The following MASP1 variants were observed in gnomAD, a reference collection of about 807,000 sequenced individuals.
The protein encoded by MASP1 is mannan-binding lectin serine protease 1.
MASP1 carries 59 observed loss-of-function variants against 77.1 expected under a neutral mutation model. That is an observed-to-expected ratio of 0.77 (90% CI 0.62 to 0.95). The LOEUF (loss-of-function observed/expected upper bound fraction) is 0.95. Ranked by LOEUF, MASP1 falls within the 40% of genes least tolerant of loss-of-function variation. The pLI is 0.00. For missense variants in MASP1, 885 were observed against 912.9 expected (o/e 0.97, Z 0.39); for synonymous variants, 362 against 354.5 (o/e 1.02, Z -0.24).
At chr3:187,243,739 A>G in intron 8 of MASP1, 118 bp from the exon 9 acceptor site, 1 of 1,282,150 alleles carries the variant, frequency 7.8e-7, no homozygotes, top group East Asian at 2.3e-5. Context: ...CCAGAAAGCA[A>G]TGTTATAATG....
At chr3:187,246,424 T>C (rs1453117916) in intron 8 of MASP1, 2 of 985,328 alleles carry the variant, frequency 2.0e-6, no homozygotes, top group Non-Finnish European at 2.4e-6. Context: ...CTTCTTTGGG[T>C]GGTGTCTCTA....
intron 2 of MASP1, among the ~76,000 whole-genome samples, chr3:187,281,150 A>C (rs3864099): frequency 0.29 from 43,586 of 152,208 alleles, 6,847 homozygotes; most frequent in Admixed American, 0.39. Flanking sequence ...CATTGCAGCC[A>C]CATGCCAAGG....
intron 1 of MASP1, 107 bp downstream of exon 1, chr3:187,291,521 C>T: frequency 3.5e-6 from 5 of 1,449,114 alleles, no homozygotes; most frequent in Non-Finnish European, 4.9e-6. Flanking sequence ...CTCACTACCA[C>T]ATGCAGGACA....
chr3:187,265,474 C>T (rs1240181673), intron 2 of MASP1, among the ~76,000 whole-genome samples: 1 of 152,148 alleles, frequency 6.6e-6, no homozygotes, highest in African/African-American at 2.4e-5. Flanking sequence ...TTCCAGAGAA[C>T]AGGAAGCATG....
At chr3:187,247,890 A>G (rs1714231800) in intron 8 of MASP1, among the ~76,000 whole-genome samples, 1 of 152,204 alleles carries the variant, frequency 6.6e-6, no homozygotes, top group African/African-American at 2.4e-5. Context: ...GACCTGTGAT[A>G]TCCCATGGCA....
In MASP1 at chr3:187,256,830, C is replaced by T. The variant is rs1426237637; in HGVS notation, c.578G>A (p.Arg193Lys). Residue 193 changes from arginine to lysine, a missense_variant, in exon 5 of 11, where the codon AGG becomes AAG. By Grantham distance (26) the Arg-to-Lys change is conservative. Coordinates refer to ENST00000296280, the MANE Select transcript of MASP1 (RefSeq NM_139125.4). ...VECSDNLFTQRTGVITSPDFP... is the reference protein window; with the variant it reads ...VECSDNLFTQKTGVITSPDFP... ...GTCAGGGCTGGTGATCACCCCAGTC[C>T]TTTGAGTGAAGAGGTTGTCACTGCA... is the stretch of plus-strand genomic sequence containing the variant. 10 of 1,613,764 alleles carry T rather than the reference C, an allele frequency of 6.2e-6. No homozygotes were observed. Among genetic ancestry groups the T allele is most frequent in the Non-Finnish European group, 8.5e-6 (10 of 1,180,018 alleles).
chr3:187,246,168 TG>T (rs1714067181), intron 8 of MASP1, among the ~76,000 whole-genome samples: 2 of 152,382 alleles, frequency 1.3e-5, no homozygotes, highest in South Asian at 4.1e-4. Flanking sequence ...TCCTTCTTCT[TG>T]AAAGCCTTTC....
At chr3:187,229,774 C>G (rs1357522078), downstream of MASP1, 2 of 1,614,174 alleles carry the variant, frequency 1.2e-6, no homozygotes, top group South Asian at 2.2e-5. Context: ...AAGGGAGCCT[C>G]CGCAGAAGGG....
At position 187,221,104 on chromosome 3, in the gene MASP1, A is replaced by G. The variant is rs779648802; in HGVS notation, c.1840T>C (p.Cys614Arg). ...TTCAGCGGGGCATAAGCCTTCTGGCAGGTGCTGTGGTCAACAATCGGGATT... is the reference window on the plus strand; with the variant it reads ...TTCAGCGGGGCATAAGCCTTCTGGCGGGTGCTGTGGTCAACAATCGGGATT... The change falls in exon 15 of 16, where the codon TGC becomes CGC. Residue 614 changes from cysteine to arginine, a missense_variant. By Grantham distance (180) the Cys-to-Arg change is radical. Coordinates refer to the MASP1 transcript ENST00000337774. 4.3e-6 allele frequency: 7 copies of G among 1,614,126 alleles called. No individual in the cohort carries two copies. In the East Asian group the frequency reaches 1.6e-4, roughly 36 times the overall value.
chr3:187,241,692 G>A (rs1250447920), intron 9 of MASP1, 137 bp from the exon 10 acceptor site: 3 of 674,528 alleles, frequency 4.4e-6, no homozygotes, highest in Middle Eastern at 3.9e-4. Context: ...GCTCAGATAC[G>A]ATTGTCTCTG....
At chr3:187,279,873 T>G (rs931092566) in intron 2 of MASP1, among the ~76,000 whole-genome samples, 1 of 152,228 alleles carries the variant, frequency 6.6e-6, no homozygotes, top group Non-Finnish European at 1.5e-5. Flanking sequence ...TTGTGTTACT[T>G]TGTCTGGCTT....
chr3:187,279,293 A>G (rs1187031883), intron 2 of MASP1, among the ~76,000 whole-genome samples: 4 of 152,194 alleles, frequency 2.6e-5, no homozygotes, highest in Non-Finnish European at 5.9e-5. Context: ...TGGGGGAGCT[A>G]TAGAGAATGG....
chr3:187,243,654 C>T (rs1480706341), intron 8 of MASP1, 33 bp from the exon 9 acceptor site: 2 of 1,613,590 alleles, frequency 1.2e-6, no homozygotes, highest in Non-Finnish European at 1.7e-6. Flanking sequence ...CCTCAACTGC[C>T]TTTTGCTCAT....
Position 187,251,618 on chromosome 3 carries a change from A to G in MASP1, c.1011+16T>C, listed in dbSNP as rs1401896576. ...TGTGGCCTGGTCACTCCCCTTTCCC[A>G]GGCAAGGCTCTGCACCTTCAGCACT... On this transcript the variant is annotated intron_variant, in intron 7 of 10. Coordinates refer to ENST00000296280, the MANE Select transcript of MASP1 (RefSeq NM_139125.4). The G allele has an allele frequency of 1.9e-6, 3 of 1,607,586 alleles. No homozygotes were observed. The highest frequency in any genetic ancestry group is 2.2e-5 in the South Asian group (2 of 90,908).
intron 14 of MASP1, among the ~76,000 whole-genome samples, chr3:187,222,685 T>G (rs1227875558): frequency 4.0e-5 from 6 of 151,892 alleles, no homozygotes; most frequent in Non-Finnish European, 7.4e-5. Flanking sequence ...TAAGTGTTTT[T>G]TTTTTTTTTC....
intron 2 of MASP1, among the ~76,000 whole-genome samples, chr3:187,267,389 C>T (rs560921494): frequency 7.9e-5 from 12 of 152,134 alleles, no homozygotes; most frequent in Non-Finnish European, 1.5e-4. Context: ...GCTGGATTAC[C>T]CTGTTGCCAG....
downstream of MASP1, among the ~76,000 whole-genome samples, chr3:187,232,262 T>C (rs1327823381): frequency 3.3e-5 from 5 of 149,812 alleles, no homozygotes; most frequent in Non-Finnish European, 7.4e-5. Flanking sequence ...GGGGCCTCTC[T>C]TTTCTTCATG....
At chr3:187,262,434 T>C in intron 3 of MASP1, 109 bp downstream of exon 3, 1 of 1,079,926 alleles carries the variant, frequency 9.3e-7, no homozygotes, top group South Asian at 1.3e-5. Context: ...AATGGTAAAA[T>C]CTATGTGGTG....
intron 4 of MASP1, among the ~76,000 whole-genome samples, chr3:187,259,828 C>T (rs1365527228): frequency 2.6e-5 from 4 of 152,196 alleles, no homozygotes; most frequent in Non-Finnish European, 5.9e-5. Context: ...TGATCCCTCA[C>T]TCAGCTTCCA....
Sources: gnomAD v4.1 joint callset for allele counts (sites outside exome capture counted in the v4.1 genomes callset) on GRCh38, gnomAD v4.1.1 for gene constraint, MANE v1.5 for transcripts, NCBI Gene and HGNC (gene_info 2026-07-23, HGNC 2026-07-21) for gene names.